Variants in PKP4 observed in about 807,000 individuals in gnomAD.
PKP4 encodes the protein plakophilin 4.
PKP4 carries 90 observed loss-of-function variants against 145.1 expected under a neutral mutation model. The ratio of observed to expected loss-of-function variants is 0.62; its 90% CI spans 0.52 to 0.74. The LOEUF (loss-of-function observed/expected upper bound fraction) is 0.74. Ranked by LOEUF, PKP4 falls within the 30% of genes least tolerant of loss-of-function variation. The pLI is 0.00. For missense variants in PKP4, 1,340 were observed against 1,482.7 expected, an observed-to-expected ratio of 0.90 and a Z score of 1.58; for synonymous variants, 563 against 577.2, an observed-to-expected ratio of 0.98 and a Z score of 0.35.
At chr2:158,624,044 T>TA (rs2052519766) in intron 6 of PKP4, among the ~76,000 whole-genome samples, 1 of 152,232 alleles carries the variant, frequency 6.6e-6, no homozygotes, top group African/African-American at 2.4e-5. Context: ...ATCCTGGTCT[T>TA]TTCCAGCTGT....
Position 158,671,437 on chromosome 2 carries a change from T to C in PKP4, c.2924+1522T>C, listed in dbSNP as rs1302426906. 2.6e-5 allele frequency among the ~76,000 whole-genome samples: 4 copies of C among 152,156 alleles called. No individual in the cohort carries two copies. In the East Asian group the frequency reaches 7.7e-4, roughly 29 times the overall value. On this transcript the variant is annotated intron_variant, in intron 17 of 21. Coordinates refer to ENST00000389759, the MANE Select transcript of PKP4 (RefSeq NM_003628.6). ...CATAATCACTTATGCTCTTAAAATG[T>C]CGCTGGACAGCCTGCACTTGTGAGC... is the stretch of plus-strand genomic sequence containing the variant.
At chr2:158,621,715 C>A (rs1490874302) in intron 6 of PKP4, among the ~76,000 whole-genome samples, 4 of 147,882 alleles carry the variant, frequency 2.7e-5, no homozygotes, top group African/African-American at 1.0e-4. Flanking sequence ...CACTGCACTC[C>A]AGCCTGGGCG....
intron 1 of PKP4, among the ~76,000 whole-genome samples, chr2:158,492,137 A>G (rs11683559): frequency 0.2 from 29,606 of 151,574 alleles, 3,754 homozygotes; most frequent in Middle Eastern, 0.34. Context: ...GTTTTACTTT[A>G]TACAATTTGG....
chr2:158,603,849 GC>G (rs1240810456), intron 4 of PKP4, among the ~76,000 whole-genome samples: 1 of 152,118 alleles, frequency 6.6e-6, no homozygotes, highest in Non-Finnish European at 1.5e-5. Flanking sequence ...AAATACTTTG[GC>G]CCTTTTCAAA....
intron 1 of PKP4, among the ~76,000 whole-genome samples, chr2:158,509,202 A>T (rs979312778): frequency 2.0e-5 from 3 of 152,188 alleles, no homozygotes; most frequent in African/African-American, 4.8e-5. Flanking sequence ...ATAGATTATG[A>T]ATTTGTAATC....
chr2:158,567,161 G>C (rs1375114930), intron 2 of PKP4, among the ~76,000 whole-genome samples: 1 of 152,100 alleles, frequency 6.6e-6, no homozygotes, highest in Non-Finnish European at 1.5e-5. Flanking sequence ...ACTAAGATGA[G>C]TGAAATATAG....
intron 4 of PKP4, among the ~76,000 whole-genome samples, chr2:158,604,371 T>G (rs1202070873): frequency 6.6e-6 from 1 of 152,214 alleles, no homozygotes; most frequent in Non-Finnish European, 1.5e-5. Context: ...TTCCAGGGAC[T>G]TTATACTCTC....
chr2:158,676,626 G>A (rs2058033712), intron 19 of PKP4, 113 bp from the exon 20 acceptor site: 2 of 1,256,898 alleles, frequency 1.6e-6, no homozygotes, highest in South Asian at 2.5e-5. Flanking sequence ...AGCACCAGCT[G>A]TGTGTCATTT....
chr2:158,503,034 G>A (rs1696820195), intron 1 of PKP4, among the ~76,000 whole-genome samples: 1 of 152,156 alleles, frequency 6.6e-6, no homozygotes, highest in African/African-American at 2.4e-5. Flanking sequence ...ATCCACATGT[G>A]TTTTGCATAA....
chr2:158,577,765 A>G (rs971698957), intron 3 of PKP4, among the ~76,000 whole-genome samples: 2 of 152,186 alleles, frequency 1.3e-5, no homozygotes, highest in African/African-American at 4.8e-5. Flanking sequence ...AGATTGCATT[A>G]ACTTTAAAAA....
chr2:158,604,882 A>G (rs1177429607), intron 4 of PKP4, among the ~76,000 whole-genome samples: 2 of 152,180 alleles, frequency 1.3e-5, no homozygotes, highest in Admixed American at 6.5e-5. Flanking sequence ...AGTGCTGTGG[A>G]TAAGGGACAA....
intron 1 of PKP4, among the ~76,000 whole-genome samples, chr2:158,474,413 C>T (rs1460015502): frequency 1.3e-5 from 2 of 152,126 alleles, no homozygotes; most frequent in Admixed American, 6.5e-5. Context: ...AACCCCTGCC[C>T]ACTCCTAGCA....
At chr2:158,633,834 A>C (rs2053593705) in intron 8 of PKP4, among the ~76,000 whole-genome samples, 1 of 152,212 alleles carries the variant, frequency 6.6e-6, no homozygotes, top group African/African-American at 2.4e-5. Context: ...CTATATAAGC[A>C]GATTTGTAGT....
intron 4 of PKP4, among the ~76,000 whole-genome samples, chr2:158,619,010 T>G (rs997436888): frequency 6.6e-6 from 1 of 152,242 alleles, no homozygotes; most frequent in African/African-American, 2.4e-5. Flanking sequence ...GTACTTTTTA[T>G]CTGTAGTTTC....
intron 1 of PKP4, among the ~76,000 whole-genome samples, chr2:158,490,652 A>G (rs1204607038): frequency 6.6e-6 from 1 of 152,238 alleles, no homozygotes; most frequent in Non-Finnish European, 1.5e-5. Context: ...CAATGTGGAC[A>G]ATAATTTTAA....
chr2:158,533,520 C>T (rs1477247221), intron 2 of PKP4: 2 of 656,780 alleles, frequency 3.0e-6, no homozygotes, highest in Admixed American at 2.1e-5. Context: ...ATGCAGGATA[C>T]TTGTGCGTCT....
chr2:158,618,995 C>T (rs918637596), intron 4 of PKP4, among the ~76,000 whole-genome samples: 1 of 152,156 alleles, frequency 6.6e-6, no homozygotes, highest in Non-Finnish European at 1.5e-5. Context: ...GAGGCTACCA[C>T]AGTGGTACTT....
chr2:158,457,740 C>G (rs1689040030), intron 1 of PKP4: 1 of 154,160 alleles, frequency 6.5e-6, no homozygotes, highest in African/African-American at 2.4e-5. Context: ...CACGCCCCTG[C>G]TGCCCGCGCG....
chr2:158,605,459 T>G (rs2050579147), intron 4 of PKP4, among the ~76,000 whole-genome samples: 1 of 152,214 alleles, frequency 6.6e-6, no homozygotes, highest in Non-Finnish European at 1.5e-5. Context: ...ATTCATAACT[T>G]GACTCACAAT....
Sources: gnomAD v4.1 joint callset for allele counts (sites outside exome capture counted in the v4.1 genomes callset) on GRCh38, gnomAD v4.1.1 for gene constraint, MANE v1.5 for transcripts, NCBI Gene and HGNC (gene_info 2026-07-23, HGNC 2026-07-21) for gene names.